TNRC6A: variants seen among roughly 807,000 people sequenced by gnomAD.
TNRC6A encodes the protein trinucleotide repeat containing adaptor 6A.
Under a neutral mutation model 221.2 loss-of-function variants are expected in TNRC6A, and 44 were observed. That is an observed-to-expected ratio of 0.20 (90% CI 0.16 to 0.26). The LOEUF is 0.26. TNRC6A is among the 10% of genes least tolerant of loss of function. The probability of loss-of-function intolerance (pLI) is 1.00; values close to 1 mark genes in which losing one functional copy is unlikely to be tolerated. For missense variants in TNRC6A, 2,199 were observed against 2,404.4 expected (o/e 0.91, Z 1.79); for synonymous variants, 847 against 838.5 (o/e 1.01, Z -0.18).
At chr16:24,652,031 A>G (rs1173696334) in intron 2 of TNRC6A, among the ~76,000 whole-genome samples, 1 of 151,882 alleles carries the variant, frequency 6.6e-6, no homozygotes, top group African/African-American at 2.4e-5. Context: ...CCTCTATGAA[A>G]GGAGAGAGGG....
intron 19 of TNRC6A, chr16:24,815,787 A>C (rs2058644820): frequency 5.9e-6 from 1 of 168,774 alleles, no homozygotes; most frequent in Admixed American, 5.5e-5. Flanking sequence ...CGGGAGGCAG[A>C]GCTTGCAGTG....
chr16:24,808,452 G>C (rs1278934544), intron 17 of TNRC6A, among the ~76,000 whole-genome samples: 8 of 152,200 alleles, frequency 5.3e-5, no homozygotes, highest in Admixed American at 5.2e-4. Flanking sequence ...GTCTGTGGCT[G>C]CTTTCGTGCT....
intron 2 of TNRC6A, among the ~76,000 whole-genome samples, chr16:24,671,728 G>A (rs1468080571): frequency 1.3e-4 from 20 of 152,152 alleles, no homozygotes. Context: ...ATCAATGTCA[G>A]GCCAGGTGCA....
intron 2 of TNRC6A, among the ~76,000 whole-genome samples, chr16:24,688,500 A>G (rs1421810737): frequency 6.6e-6 from 1 of 152,064 alleles, no homozygotes; most frequent in Non-Finnish European, 1.5e-5. Context: ...AACCAATTCT[A>G]TTTCATCCTC....
intron 2 of TNRC6A, among the ~76,000 whole-genome samples, chr16:24,693,678 T>C (rs1020068583): frequency 2.6e-5 from 4 of 152,092 alleles, no homozygotes; most frequent in African/African-American, 7.2e-5. Flanking sequence ...GATGGAAGGA[T>C]TGATGGAGCC....
At chr16:24,771,516 C>CATGTTACGTTATGTT (rs2057590795) in intron 4 of TNRC6A, among the ~76,000 whole-genome samples, 1 of 88,048 alleles carries the variant, frequency 1.1e-5, no homozygotes, top group Non-Finnish European at 2.2e-5. Context: ...GAGCCTGGTG[C>CATGTTACGTTATGTT]ATGTTATGTT....
rs538020954 is a variant in TNRC6A at position 24,665,384 on chromosome 16, T to C, written n.402+24375T>C. ...GCCACCACATTCAGCCTGGAAAGAA[T>C]TGGTAAATGGCCCCATCCCAGTTGA... On this transcript the variant is annotated intron_variant and non_coding_transcript_variant, in intron 2 of 2. Coordinates refer to the TNRC6A transcript ENST00000566108. Among the ~76,000 whole-genome samples, 18 of 152,242 alleles carry C rather than the reference T, an allele frequency of 1.2e-4. No homozygotes were observed. The South Asian group carries it at 3.3e-3, about 28-fold the overall frequency.
chr16:24,674,571 T>G (rs2055368852), intron 2 of TNRC6A, among the ~76,000 whole-genome samples: 1 of 152,102 alleles, frequency 6.6e-6, no homozygotes, highest in African/African-American at 2.4e-5. Flanking sequence ...GGGCCATCCT[T>G]TCCTCTCCGT....
intron 2 of TNRC6A, among the ~76,000 whole-genome samples, chr16:24,669,118 A>G (rs16973907): frequency 0.068 from 10,330 of 152,232 alleles, 373 homozygotes; most frequent in South Asian, 0.097. Flanking sequence ...ATAAATAACA[A>G]TGTGAGTGGT....
chr16:24,796,891 G>A (rs1425903768), intron 9 of TNRC6A, among the ~76,000 whole-genome samples: 5 of 152,138 alleles, frequency 3.3e-5, no homozygotes, highest in African/African-American at 1.2e-4. Flanking sequence ...TGGAGTTTGC[G>A]TACCACCCAT....
chr16:24,782,306 A>G (rs1022940570), intron 5 of TNRC6A, among the ~76,000 whole-genome samples: 6 of 152,192 alleles, frequency 3.9e-5, no homozygotes, highest in African/African-American at 1.4e-4. Context: ...GTCATGATTC[A>G]TGCATTGCAT....
intron 2 of TNRC6A, among the ~76,000 whole-genome samples, chr16:24,672,566 T>G (rs998672554): frequency 6.6e-6 from 1 of 152,044 alleles, no homozygotes; most frequent in Non-Finnish European, 1.5e-5. Flanking sequence ...CTCAGCCTCC[T>G]GAGTAGCTGG....
chr16:24,647,714 G>A (rs1276520959), intron 2 of TNRC6A, among the ~76,000 whole-genome samples: 2 of 151,998 alleles, frequency 1.3e-5, no homozygotes, highest in African/African-American at 2.4e-5. Context: ...TGGGTTCAAG[G>A]GATTCTTCTG....
rs139137950 is a variant in TNRC6A, at chr16:24,790,708, A to G, written c.2066A>G (p.Glu689Gly). Residue 689 changes from glutamate to glycine, a missense_variant, in exon 6 of 25, where the codon GAA becomes GGA. By Grantham distance (98) the Glu-to-Gly change is moderately conservative. This residue lies in a region of TNRC6A where 1,405 missense variants were observed against 1,400.2 expected (regional missense o/e 1.00). Transcript: ENST00000395799. ...TGRLEEKGTG[E>G]SQSRDRRKID... is the part of the protein sequence containing the mutation. ...CGCCTTGAGGAAAAAGGAACTGGGG[A>G]AAGTCAGAGTAGAGACAGAAGAAAA... The G allele has an allele frequency of 5.3e-5, 86 of 1,614,182 alleles. No individual in the cohort carries two copies. In the African/African-American group the frequency reaches 1.1e-3, roughly 20 times the overall value.
chr16:24,809,333 G>A lies in TNRC6A; in HGVS notation c.4541-17G>A, dbSNP rs774908997. The A allele has an allele frequency of 4.0e-6, 6 of 1,489,266 alleles. No homozygotes were observed. In the South Asian group the frequency reaches 4.4e-5, roughly 11 times the overall value. The allele number at this position is 1,489,266 out of a possible 1,614,324, so 92.3% of individuals were successfully genotyped here. A position where few individuals can be genotyped will look rare whatever the true frequency, so the allele number is the denominator to read the frequency against. ...GCTGTATTTTCTAAGGTTTTGTTTTGTTTTTTAATTTTTCAGGCTTGAACT... is the reference window on the plus strand; with the variant it reads ...GCTGTATTTTCTAAGGTTTTGTTTTATTTTTTAATTTTTCAGGCTTGAACT... On this transcript the variant is annotated splice_polypyrimidine_tract_variant and intron_variant, in intron 17 of 24. Coordinates refer to ENST00000395799, the MANE Select transcript of TNRC6A (RefSeq NM_014494.4).
At chr16:24,794,519 C>T in intron 7 of TNRC6A, 25 bp from the exon 8 acceptor site, 1 of 1,595,360 alleles carries the variant, frequency 6.3e-7, no homozygotes. Context: ...GTATGTTTCT[C>T]TTTATATCAC....
intron 10 of TNRC6A, 76 bp from the exon 11 acceptor site, chr16:24,797,839 A>G (rs2058250611): frequency 1.5e-6 from 2 of 1,299,148 alleles, no homozygotes; most frequent in African/African-American, 3.0e-5. Context: ...AATGAAACAC[A>G]GTAAAATTCT....
chr16:24,808,100 A>G (rs1323864298), intron 17 of TNRC6A, among the ~76,000 whole-genome samples: 2 of 152,236 alleles, frequency 1.3e-5, no homozygotes, highest in Non-Finnish European at 2.9e-5. Flanking sequence ...GAAGCCATTT[A>G]GTGGTGGCCA....
At chr16:24,648,292 G>GTTTTTTTTTTTTTT in intron 2 of TNRC6A, among the ~76,000 whole-genome samples, 1 of 16,494 alleles carries the variant, frequency 6.1e-5, no homozygotes, top group Admixed American at 5.1e-4. Flanking sequence ...TTTTTTTTGA[G>GTTTTTTTTTTTTTT]ATGGAGTCTC....
Sources: gnomAD v4.1 joint callset for allele counts (sites outside exome capture counted in the v4.1 genomes callset) on GRCh38, gnomAD v4.1.1 for gene constraint, gnomAD v4.1.1 regional missense constraint, MANE v1.5 for transcripts, NCBI Gene and HGNC (gene_info 2026-07-23, HGNC 2026-07-21) for gene names.